The following CNTN3 variants were observed in gnomAD, a reference collection of about 807,000 sequenced individuals.
The protein encoded by CNTN3 is contactin 3.
In CNTN3, 60 loss-of-function variants were observed where a neutral mutation model predicts 119.1. The ratio of observed to expected loss-of-function variants is 0.50; its 90% CI spans 0.41 to 0.62. CNTN3 has a LOEUF of 0.62. Among genes scored for constraint, CNTN3 ranks in the 20% least tolerant of loss-of-function variants. The pLI is 0.00. For missense variants in CNTN3, 1,101 were observed against 1,242.4 expected (o/e 0.89, Z 1.71); for synonymous variants, 450 against 438.7 (o/e 1.03, Z -0.32).
chr3:74,526,196 ATATAT>A lies in CNTN3; in HGVS notation c.-80-5009_-80-5005del, dbSNP rs903381162. 9.8e-4 allele frequency among the ~76,000 whole-genome samples: 130 copies of A among 132,896 alleles called. 3 individuals carry two copies. Among genetic ancestry groups the A allele is most frequent in the South Asian group, 6.5e-3 (24 of 3,668 alleles). 87.2% of individuals were successfully genotyped at this position (132,896 alleles called of 152,430 possible). ...TCAGAAATGAATTATATTTATGAAT[ATATAT>A]TATTCCTAATCTTCACCAAAAAAAA... On this transcript the variant is annotated intron_variant, in intron 1 of 22. Coordinates refer to ENST00000263665, the MANE Select transcript of CNTN3 (RefSeq NM_020872.3).
At chr3:74,432,525 A>G (rs1347845671) in intron 4 of CNTN3, among the ~76,000 whole-genome samples, 1 of 152,210 alleles carries the variant, frequency 6.6e-6, no homozygotes, top group Admixed American at 6.5e-5. Flanking sequence ...GCAACGATTC[A>G]GTTTCACAAT....
chr3:74,546,299 T>C (rs1703914957), intron 1 of CNTN3, among the ~76,000 whole-genome samples: 1 of 152,154 alleles, frequency 6.6e-6, no homozygotes, highest in South Asian at 2.1e-4. Context: ...CCGGCCCATT[T>C]CTTGAACTTT....
intron 13 of CNTN3, among the ~76,000 whole-genome samples, chr3:74,307,362 A>T (rs1702585276): frequency 9.9e-5 from 15 of 152,210 alleles, no homozygotes; most frequent in Admixed American, 9.8e-4. Flanking sequence ...TTAGTCAATT[A>T]TTTGTCCATC....
intron 4 of CNTN3, among the ~76,000 whole-genome samples, chr3:74,481,063 G>T (rs1702754934): frequency 2.0e-5 from 3 of 151,812 alleles, no homozygotes; most frequent in African/African-American, 7.2e-5. Context: ...ATTGAAGATA[G>T]TGTCACCACT....
chr3:74,364,208 T>C (rs1191583377), intron 10 of CNTN3, among the ~76,000 whole-genome samples: 1 of 152,286 alleles, frequency 6.6e-6, no homozygotes, highest in South Asian at 2.1e-4. Flanking sequence ...TGGAGGTGGA[T>C]AAGGATATCT....
intron 5 of CNTN3, among the ~76,000 whole-genome samples, chr3:74,376,559 C>T (rs1237326652): frequency 3.3e-5 from 5 of 152,140 alleles, no homozygotes; most frequent in African/African-American, 7.2e-5. Context: ...TGCAGGAAAA[C>T]AAGCTCAGGG....
At chr3:74,407,731 C>G (rs1373124435) in intron 5 of CNTN3, among the ~76,000 whole-genome samples, 1 of 151,846 alleles carries the variant, frequency 6.6e-6, no homozygotes, top group East Asian at 1.9e-4. Flanking sequence ...CACCACAATG[C>G]AATATATCAA....
In CNTN3 at chr3:74,331,432, C is replaced by T. The variant is rs539245338; in HGVS notation, c.1668+3303G>A. Reference sequence around the variant, plus strand: ...GCACCCTACGATGTCCACATAAGGACGGAATTGCCTAGTAACACATTTCTC... The same window carrying T: ...GCACCCTACGATGTCCACATAAGGATGGAATTGCCTAGTAACACATTTCTC... On this transcript the variant is annotated intron_variant, in intron 13 of 22. Coordinates refer to ENST00000263665, the MANE Select transcript of CNTN3 (RefSeq NM_020872.3). 8.5e-5 allele frequency among the ~76,000 whole-genome samples: 13 copies of T among 152,182 alleles called. 1 individual carries two copies. The East Asian group carries it at 1.4e-3, about 16-fold the overall frequency.
At chr3:74,277,935 A>T (rs1701914448) in intron 20 of CNTN3, among the ~76,000 whole-genome samples, 2 of 152,042 alleles carry the variant, frequency 1.3e-5, no homozygotes, top group Admixed American at 1.3e-4. Context: ...TACAAGATTA[A>T]GGTACACAAA....
intron 1 of CNTN3, among the ~76,000 whole-genome samples, chr3:74,589,995 T>C (rs1171281127): frequency 2.7e-5 from 4 of 147,592 alleles, no homozygotes; most frequent in Admixed American, 1.4e-4. Flanking sequence ...CATTAGGAGA[T>C]ATACCTAATG....
intron 13 of CNTN3, among the ~76,000 whole-genome samples, chr3:74,307,182 G>A (rs1702582365): frequency 6.6e-6 from 1 of 152,096 alleles, no homozygotes; most frequent in Non-Finnish European, 1.5e-5. Flanking sequence ...GGGTGGACAG[G>A]GGATAGGGAT....
At chr3:74,564,358 T>C (rs1346472062) in intron 1 of CNTN3, among the ~76,000 whole-genome samples, 1 of 151,940 alleles carries the variant, frequency 6.6e-6, no homozygotes, top group Non-Finnish European at 1.5e-5. Flanking sequence ...TGATGAGTGA[T>C]GAGAGAGGAG....
intron 1 of CNTN3, among the ~76,000 whole-genome samples, chr3:74,573,148 T>C (rs963835255): frequency 6.6e-6 from 1 of 152,088 alleles, no homozygotes; most frequent in African/African-American, 2.4e-5. Flanking sequence ...ATCTAGTGAA[T>C]TGGGAAAGAC....
At position 74,555,591 on chromosome 3, in the gene CNTN3, C is replaced by T. The variant is rs370800300; in HGVS notation, c.-80-34399G>A. Among the ~76,000 whole-genome samples the T allele has an allele frequency of 2.6e-5, 4 of 152,250 alleles. No homozygotes were observed. In the East Asian group the frequency reaches 5.8e-4, roughly 22 times the overall value. ...ATTAATTATTGCCTCAATTTCAGAA[C>T]CTGTTATTGGCCTATTCACAGATTA... On this transcript the variant is annotated intron_variant, in intron 1 of 22. Coordinates refer to ENST00000263665, the MANE Select transcript of CNTN3 (RefSeq NM_020872.3).
intron 5 of CNTN3, among the ~76,000 whole-genome samples, chr3:74,378,322 C>A (rs757413370): frequency 5.3e-5 from 8 of 152,224 alleles, no homozygotes; most frequent in Non-Finnish European, 1.2e-4. Context: ...CGAAAGACAT[C>A]TATCAGCATG....
At chr3:74,523,788 A>G (rs1703577009) in intron 1 of CNTN3, among the ~76,000 whole-genome samples, 1 of 151,880 alleles carries the variant, frequency 6.6e-6, no homozygotes, top group African/African-American at 2.4e-5. Context: ...TCTGCATCCT[A>G]ATATTGTAAT....
chr3:74,534,935 T>C (rs1302934665), intron 1 of CNTN3, among the ~76,000 whole-genome samples: 1 of 151,992 alleles, frequency 6.6e-6, no homozygotes, highest in African/African-American at 2.4e-5. Flanking sequence ...TGCACATAAA[T>C]TGGTTATAAG....
intron 11 of CNTN3, among the ~76,000 whole-genome samples, chr3:74,352,294 T>C (rs1427604191): frequency 2.0e-5 from 3 of 152,324 alleles, no homozygotes; most frequent in East Asian, 3.9e-4. Flanking sequence ...ATGGAGCTGC[T>C]CTCCTGCTTC....
chr3:74,300,525 G>A (rs908614448), intron 16 of CNTN3, among the ~76,000 whole-genome samples: 3 of 152,148 alleles, frequency 2.0e-5, no homozygotes, highest in Non-Finnish European at 2.9e-5. Context: ...AAAGTGCTGA[G>A]CACAGAGAGG....
Sources: gnomAD v4.1 joint callset for allele counts (sites outside exome capture counted in the v4.1 genomes callset) on GRCh38, gnomAD v4.1.1 for gene constraint, MANE v1.5 for transcripts, NCBI Gene and HGNC (gene_info 2026-07-23, HGNC 2026-07-21) for gene names.